UNC5D: variants seen among roughly 807,000 people sequenced by gnomAD.
UNC5D encodes the protein unc-5 netrin receptor D.
UNC5D carries 39 observed loss-of-function variants against 105.4 expected under a neutral mutation model. The ratio of observed to expected loss-of-function variants is 0.37; its 90% CI spans 0.29 to 0.48. The LOEUF (loss-of-function observed/expected upper bound fraction) is 0.48. UNC5D is among the 20% of genes least tolerant of loss of function. The pLI is 0.98. For missense variants in UNC5D, 991 were observed against 1,202.4 expected (o/e 0.82, Z 2.60); for synonymous variants, 452 against 450.4 (o/e 1.00, Z -0.04).
At chr8:35,642,079 T>C (rs1316630718) in intron 4 of UNC5D, among the ~76,000 whole-genome samples, 2 of 152,152 alleles carry the variant, frequency 1.3e-5, no homozygotes, top group African/African-American at 4.8e-5. Flanking sequence ...CCTGCCTCTC[T>C]GACCTGAGGA....
chr8:35,470,807 T>TAGATA (rs1554538818), intron 1 of UNC5D, among the ~76,000 whole-genome samples: 2 of 130,522 alleles, frequency 1.5e-5, no homozygotes, highest in East Asian at 4.5e-4. Context: ...AATAAATAAA[T>TAGATA]AAATAAAATA....
chr8:35,378,096 C>A (rs931138296), intron 1 of UNC5D, among the ~76,000 whole-genome samples: 1 of 152,098 alleles, frequency 6.6e-6, no homozygotes, highest in Non-Finnish European at 1.5e-5. Flanking sequence ...TGCCCCCAAA[C>A]CTTTACTGTT....
At chr8:35,473,556 C>T (rs987736293) in intron 1 of UNC5D, among the ~76,000 whole-genome samples, 7 of 152,100 alleles carry the variant, frequency 4.6e-5, no homozygotes, top group African/African-American at 1.7e-4. Context: ...TTTACAAGCT[C>T]GAGTCCCCTG....
At chr8:35,365,278 T>C (rs1802049900) in intron 1 of UNC5D, among the ~76,000 whole-genome samples, 1 of 152,052 alleles carries the variant, frequency 6.6e-6, no homozygotes, top group Admixed American at 6.6e-5. Context: ...ACTGAGCAGA[T>C]GCATAGATTT....
At chr8:35,275,696 C>A (rs1805728107) in intron 1 of UNC5D, among the ~76,000 whole-genome samples, 1 of 152,178 alleles carries the variant, frequency 6.6e-6, no homozygotes, top group African/African-American at 2.4e-5. Context: ...TGGAGGAAAT[C>A]ACTGTGGCAG....
intron 1 of UNC5D, among the ~76,000 whole-genome samples, chr8:35,461,285 G>A (rs901654480): frequency 6.6e-6 from 1 of 152,114 alleles, no homozygotes; most frequent in African/African-American, 2.4e-5. Flanking sequence ...GATGAGCTGG[G>A]GGCCTTTTTA....
chr8:35,522,106 C>A (rs903606012), intron 1 of UNC5D, among the ~76,000 whole-genome samples: 1 of 152,182 alleles, frequency 6.6e-6, no homozygotes, highest in African/African-American at 2.4e-5. Flanking sequence ...ACACAACACC[C>A]ACTGCCCATC....
intron 1 of UNC5D, among the ~76,000 whole-genome samples, chr8:35,429,149 T>A (rs1806454541): frequency 6.6e-6 from 1 of 152,168 alleles, no homozygotes; most frequent in Non-Finnish European, 1.5e-5. Context: ...AAATGGACTA[T>A]TTTTCAAAAG....
intron 1 of UNC5D, among the ~76,000 whole-genome samples, chr8:35,419,297 G>A (rs1805731141): frequency 6.6e-6 from 1 of 152,130 alleles, no homozygotes; most frequent in Non-Finnish European, 1.5e-5. Flanking sequence ...CTCTGCCCAG[G>A]CTTCACTCAG....
At chr8:35,661,110 T>TA (rs768534730) in intron 4 of UNC5D, among the ~76,000 whole-genome samples, 79 of 143,002 alleles carry the variant, frequency 5.5e-4, no homozygotes, top group South Asian at 2.2e-3. Context: ...TAAGAAAAAT[T>TA]AAAAAAAAAA....
chr8:35,293,983 T>C (rs1026432594), intron 1 of UNC5D, among the ~76,000 whole-genome samples: 1 of 152,202 alleles, frequency 6.6e-6, no homozygotes, highest in Non-Finnish European at 1.5e-5. Flanking sequence ...CATTGTCCAG[T>C]ATTAAAAGAA....
At chr8:35,500,891 A>G (rs984773932) in intron 1 of UNC5D, among the ~76,000 whole-genome samples, 1 of 152,248 alleles carries the variant, frequency 6.6e-6, no homozygotes, top group African/African-American at 2.4e-5. Context: ...AGTTAAAAAT[A>G]AGATCCAAAA....
intron 4 of UNC5D, among the ~76,000 whole-genome samples, chr8:35,679,240 T>C (rs974823070): frequency 6.6e-6 from 1 of 151,954 alleles, no homozygotes; most frequent in Non-Finnish European, 1.5e-5. Flanking sequence ...TTTTGAGACA[T>C]TGTGTCAAAA....
intron 1 of UNC5D, among the ~76,000 whole-genome samples, chr8:35,535,063 A>G: frequency 6.6e-6 from 1 of 152,172 alleles, no homozygotes; most frequent in Non-Finnish European, 1.5e-5. Flanking sequence ...CAAAACCTGT[A>G]CAGTAGTAAT....
At chr8:35,270,816 G>A (rs1585459488) in intron 1 of UNC5D, among the ~76,000 whole-genome samples, 2 of 151,826 alleles carry the variant, frequency 1.3e-5, no homozygotes, top group East Asian at 3.9e-4. Flanking sequence ...TAAATTTATA[G>A]GCAGTCATTT....
chr8:35,621,840 T>C (rs998704850), intron 4 of UNC5D, among the ~76,000 whole-genome samples: 1 of 152,112 alleles, frequency 6.6e-6, no homozygotes, highest in Non-Finnish European at 1.5e-5. Context: ...TCTTCAAAAT[T>C]CAATATGAAC....
At chr8:35,674,997 C>CCATAT (rs1456947382) in intron 4 of UNC5D, among the ~76,000 whole-genome samples, 2 of 152,126 alleles carry the variant, frequency 1.3e-5, no homozygotes, top group Non-Finnish European at 2.9e-5. Context: ...GTCTCTCTAC[C>CCATAT]CTGTCCCACT....
chr8:35,586,662 A>G (rs1818815023), intron 3 of UNC5D, among the ~76,000 whole-genome samples: 1 of 152,190 alleles, frequency 6.6e-6, no homozygotes, highest in Non-Finnish European at 1.5e-5. Flanking sequence ...GGTGGCAAAG[A>G]TTCAAAGCCT....
At chr8:35,396,129 TTTTG>T (rs1804085453) in intron 1 of UNC5D, among the ~76,000 whole-genome samples, 2 of 152,270 alleles carry the variant, frequency 1.3e-5, no homozygotes, top group East Asian at 3.9e-4. Flanking sequence ...GCTCAGCCCC[TTTTG>T]TTTAACCTCC....
Sources: gnomAD v4.1 joint callset for allele counts (sites outside exome capture counted in the v4.1 genomes callset) on GRCh38, gnomAD v4.1.1 for gene constraint, MANE v1.5 for transcripts, NCBI Gene and HGNC (gene_info 2026-07-23, HGNC 2026-07-21) for gene names.